KCNMA1: variants seen among roughly 807,000 people sequenced by gnomAD.
KCNMA1 encodes the protein Calcium-activated potassium channel subunit alpha-1.
A neutral mutation model predicts 140.0 loss-of-function variants in KCNMA1; 29 were observed. The ratio of observed to expected loss-of-function variants is 0.21; its 90% CI spans 0.15 to 0.28. The LOEUF (loss-of-function observed/expected upper bound fraction) is 0.28, where lower values mean the gene tolerates loss of function less well. KCNMA1 is among the 10% of genes least tolerant of loss of function. The pLI, the probability that KCNMA1 is intolerant of heterozygous loss-of-function variation, is 1.00. For missense variants in KCNMA1, 880 were observed against 1,602.2 expected (o/e 0.55, Z 7.70); for synonymous variants, 612 against 611.9 (o/e 1.00, Z 0.00).
rs370838557 is a variant in KCNMA1 at position 77,090,516 on chromosome 10, C to T, written c.1224-6G>A. 3.8e-6 allele frequency: 6 copies of T among 1,592,182 alleles called. No individual in the cohort carries two copies. The African/African-American group carries it at 8.1e-5, about 21-fold the overall frequency. ...GTCCGCAGACCACAATGTGCCTGAA[C>T]AGGAGAGGCCAGTTAGATCAGGCCA... On this transcript the variant is annotated splice_polypyrimidine_tract_variant and splice_region_variant and intron_variant, in intron 9 of 27. Transcript: ENST00000286628.
At chr10:77,432,095 C>T (rs1248409211) in intron 1 of KCNMA1, among the ~76,000 whole-genome samples, 1 of 152,214 alleles carries the variant, frequency 6.6e-6, no homozygotes, top group Non-Finnish European at 1.5e-5. Context: ...GGACTCCAGG[C>T]TCCCAGAGCC....
rs12253512 is a variant in KCNMA1, at chr10:76,945,935, G to C, written c.2710-970C>G. Among the ~76,000 whole-genome samples the C allele has an allele frequency of 7.2e-3, 1,094 of 152,218 alleles. 16 individuals carry two copies. The highest frequency in any genetic ancestry group is 0.024 in the African/African-American group (998 of 41,536). ...TCTGGGAAGGGAAATAGGATTCGTG[G>C]GGGTGAGGGGAAAGTTTGCTTTTCA... On this transcript the variant is annotated intron_variant, in intron 22 of 27. Coordinates refer to ENST00000286628, the MANE Select transcript of KCNMA1 (RefSeq NM_001161352.2).
intron 2 of KCNMA1, among the ~76,000 whole-genome samples, chr10:77,349,027 C>T (rs2092557697): frequency 6.6e-6 from 1 of 152,172 alleles, no homozygotes; most frequent in Non-Finnish European, 1.5e-5. Flanking sequence ...GAAGATGAGT[C>T]CCTTTGCTCA....
chr10:77,502,443 G>A (rs189482432), intron 1 of KCNMA1, among the ~76,000 whole-genome samples: 7 of 152,170 alleles, frequency 4.6e-5, no homozygotes, highest in African/African-American at 1.2e-4. Context: ...ATGTTTCAGA[G>A]CCCTCTCCTC....
At chr10:77,480,704 A>G (rs981241660) in intron 1 of KCNMA1, among the ~76,000 whole-genome samples, 1 of 152,152 alleles carries the variant, frequency 6.6e-6, no homozygotes, top group Non-Finnish European at 1.5e-5. Context: ...CTGGAGCCAC[A>G]GCTTGCCTAG....
At chr10:77,555,224 C>T (rs116962321) in intron 1 of KCNMA1, among the ~76,000 whole-genome samples, 3,710 of 152,278 alleles carry the variant, frequency 0.024, 91 homozygotes, top group Non-Finnish European at 0.029. Flanking sequence ...GGGAGTCAGA[C>T]GGCCCCCTCA....
downstream of KCNMA1, among the ~76,000 whole-genome samples, chr10:76,882,306 A>G (rs2034985410): frequency 6.6e-6 from 1 of 152,198 alleles, no homozygotes. Flanking sequence ...CCACAAGCTG[A>G]GGTTGAGAGA....
chr10:77,107,694 T>C (rs1327629725), intron 9 of KCNMA1, among the ~76,000 whole-genome samples: 1 of 152,196 alleles, frequency 6.6e-6, no homozygotes, highest in African/African-American at 2.4e-5. Context: ...AACAAAAGAT[T>C]TGGCAGGAAT....
chr10:76,903,271 T>C (rs752828954), intron 25 of KCNMA1: 1 of 152,286 alleles, frequency 6.6e-6, no homozygotes, highest in Non-Finnish European at 1.5e-5. Flanking sequence ...TGGTCTTTTA[T>C]AGAAAATTTA....
chr10:77,228,937 C>T (rs1269020968), intron 3 of KCNMA1, among the ~76,000 whole-genome samples: 2 of 152,184 alleles, frequency 1.3e-5, no homozygotes, highest in African/African-American at 2.4e-5. Flanking sequence ...AGCATGAATA[C>T]GACATCACTG....
chr10:77,448,556 C>T (rs750490986), intron 1 of KCNMA1, among the ~76,000 whole-genome samples: 92 of 152,252 alleles, frequency 6.0e-4, no homozygotes, highest in Non-Finnish European at 1.0e-3. Context: ...TGATCAGCAG[C>T]GACATCTAAA....
chr10:77,019,459 A>G (rs1265859007), intron 16 of KCNMA1: 3 of 268,508 alleles, frequency 1.1e-5, no homozygotes, highest in Non-Finnish European at 2.2e-5. Context: ...TTGGTGGTCA[A>G]CACGGAAGCA....
intron 1 of KCNMA1, among the ~76,000 whole-genome samples, chr10:77,467,802 C>T (rs2098062812): frequency 6.6e-6 from 1 of 152,224 alleles, no homozygotes. Flanking sequence ...GACCTTGAAG[C>T]TATTCCTGAT....
intron 3 of KCNMA1, among the ~76,000 whole-genome samples, chr10:77,245,877 C>T (rs562639142): frequency 1.2e-4 from 19 of 152,178 alleles, no homozygotes; most frequent in Middle Eastern, 3.4e-3. Context: ...CAAAATGCTG[C>T]CACTCCACTG....
intron 2 of KCNMA1, among the ~76,000 whole-genome samples, chr10:77,340,560 T>C (rs1566089102): frequency 6.6e-6 from 1 of 152,050 alleles, no homozygotes; most frequent in Non-Finnish European, 1.5e-5. Flanking sequence ...ATGTCCTTTG[T>C]AGGGACATGG....
intron 2 of KCNMA1, among the ~76,000 whole-genome samples, chr10:77,390,782 C>T (rs1454187470): frequency 6.6e-6 from 1 of 152,180 alleles, no homozygotes; most frequent in Non-Finnish European, 1.5e-5. Flanking sequence ...CCAACAAACC[C>T]AACAGACTTC....
At chr10:77,283,572 C>A (rs1188919186) in intron 2 of KCNMA1, among the ~76,000 whole-genome samples, 2 of 152,166 alleles carry the variant, frequency 1.3e-5, no homozygotes, top group Non-Finnish European at 2.9e-5. Flanking sequence ...CCCTATGGCT[C>A]AAAATCAGAA....
rs1484259264 is a variant in KCNMA1, at chr10:77,637,591, CGCCGCCGCCGCCGCCGCTGCT to C, written c.31_51del (p.Ser11_Gly17del). 306 of 1,524,956 alleles carry C rather than the reference CGCCGCCGCCGCCGCCGCTGCT, an allele frequency of 2.0e-4. No individual in the cohort carries two copies. Among genetic ancestry groups the C allele is most frequent in the Admixed American group, 3.2e-4 (16 of 49,862 alleles). 94.5% of individuals were successfully genotyped at this position (1,524,956 alleles called of 1,614,324 possible). A position where few individuals can be genotyped will look rare whatever the true frequency, so the allele number is the denominator to read the frequency against. On this transcript the variant is annotated inframe_deletion, in exon 1 of 28. Coordinates refer to ENST00000286628, the MANE Select transcript of KCNMA1 (RefSeq NM_001161352.2). ...CTCATTCTAAGACTGCTGCCTCCGC[CGCCGCCGCCGCCGCCGCTGCT>C]GCCGCCGCCGCCGCCGCCACCATTT...
At chr10:76,901,797 C>G (rs2045561023) in intron 25 of KCNMA1, 1 of 152,234 alleles carries the variant, frequency 6.6e-6, no homozygotes, top group Admixed American at 6.5e-5. Flanking sequence ...TTGATTTTTC[C>G]ATGCAGGCAT....
Sources: gnomAD v4.1 joint callset for allele counts (sites outside exome capture counted in the v4.1 genomes callset) on GRCh38, gnomAD v4.1.1 for gene constraint, MANE v1.5 for transcripts, NCBI Gene and HGNC (gene_info 2026-07-23, HGNC 2026-07-21) for gene names.